The following CUEDC1 variants were observed in gnomAD, a reference collection of about 807,000 sequenced individuals.
CUEDC1 encodes the protein CUE domain-containing protein 1.
CUEDC1 carries 30 observed loss-of-function variants against 43.7 expected under a neutral mutation model. That is an observed-to-expected ratio of 0.69 (90% CI 0.51 to 0.93). The LOEUF is 0.93. Ranked by LOEUF, CUEDC1 falls within the 40% of genes least tolerant of loss-of-function variation. The probability of loss-of-function intolerance (pLI) is 0.00; values close to 1 mark genes in which losing one functional copy is unlikely to be tolerated. For missense variants in CUEDC1, 486 were observed against 549.0 expected, an observed-to-expected ratio of 0.89 and a Z score of 1.15; for synonymous variants, 223 against 223.6, an observed-to-expected ratio of 1.00 and a Z score of 0.02.
At position 57,912,206 on chromosome 17, in the gene CUEDC1, A is replaced by G. The variant is rs1598004454; in HGVS notation, c.-315-26327T>C. The G allele has an allele frequency of 2.6e-5, 4 of 152,308 alleles. No homozygotes were observed. The East Asian group carries it at 7.7e-4, about 29-fold the overall frequency. 9.4% of individuals were successfully genotyped at this position (152,308 alleles called of 1,614,324 possible). The stretch of plus-strand genomic sequence containing the variant: ...TGCTGGTGCCTGCCAACAAGCACAC[A>G]CAGTTGCAGTCACACCCTCGTGTAA... On this transcript the variant is annotated intron_variant, in intron 1 of 10. Transcript: ENST00000577830.
chr17:57,864,672 G>A (rs1375374838), intron 10 of CUEDC1, among the ~76,000 whole-genome samples: 1 of 152,150 alleles, frequency 6.6e-6, no homozygotes, highest in Admixed American at 6.5e-5. Context: ...GAAGACTCAA[G>A]GACCCTTGGT....
chr17:57,929,549 G>A (rs1348117101), intron 1 of CUEDC1, among the ~76,000 whole-genome samples: 1 of 152,220 alleles, frequency 6.6e-6, no homozygotes, highest in Non-Finnish European at 1.5e-5. Flanking sequence ...CATGTGATCT[G>A]TGGACTTCCC....
rs552980663 is a variant in CUEDC1 at position 57,934,228 on chromosome 17, C to G, written c.-316+20997G>C. On this transcript the variant is annotated intron_variant, in intron 1 of 10. Coordinates refer to ENST00000577830, the MANE Select transcript of CUEDC1 (RefSeq NM_001271875.2). Reference sequence around the variant, plus strand: ...CTAGTATGGTGAAAGCCCGTCTCTACTAAAAATACAAAAATTAGCCAGGCG... The same window carrying G: ...CTAGTATGGTGAAAGCCCGTCTCTAGTAAAAATACAAAAATTAGCCAGGCG... 3.9e-5 allele frequency among the ~76,000 whole-genome samples: 6 copies of G among 152,216 alleles called. No homozygotes were observed. In the East Asian group the frequency reaches 9.6e-4, roughly 24 times the overall value.
At chr17:57,912,969 A>G (rs2074600216) in intron 1 of CUEDC1, among the ~76,000 whole-genome samples, 1 of 152,054 alleles carries the variant, frequency 6.6e-6, no homozygotes, top group South Asian at 2.1e-4. Context: ...CTCAGCCTCC[A>G]GAGTAGCTAG....
At chr17:57,937,732 C>A (rs905048559) in intron 1 of CUEDC1, among the ~76,000 whole-genome samples, 12 of 152,008 alleles carry the variant, frequency 7.9e-5, no homozygotes, top group Non-Finnish European at 1.6e-4. Flanking sequence ...TAGCAAGACC[C>A]TATCTCTACA....
In CUEDC1 at chr17:57,885,629, C is replaced by A. The variant is rs2074280312; in HGVS notation, c.-65G>T. 7.5e-7 allele frequency: 1 copy of A among 1,333,544 alleles called. No homozygotes were observed. Among genetic ancestry groups the A allele is most frequent in the Middle Eastern group, 2.8e-4 (1 of 3,572 alleles). The allele number at this position is 1,333,544 out of a possible 1,614,324, so 82.6% of individuals were successfully genotyped here. A position where few individuals can be genotyped will look rare whatever the true frequency, so the allele number is the denominator to read the frequency against. ...CAAAGCCCCTTCCCCAGGGTCTTTCCGCCGTCAGCCGCTTACTTGCCCTGC... is the reference window on the plus strand; with the variant it reads ...CAAAGCCCCTTCCCCAGGGTCTTTCAGCCGTCAGCCGCTTACTTGCCCTGC... On this transcript the variant is annotated 5_prime_UTR_variant, in exon 2 of 11. Transcript: ENST00000577830.
In CUEDC1 at chr17:57,862,157, G is replaced by C. The variant is rs995863915; in HGVS notation, c.*1132C>G. Reference sequence around the variant, plus strand: ...TCCCGGCTCTCCGGAAGGTCTGCGCGCTCCCATGTCCAGGGCGGGGCCACG... The same window carrying C: ...TCCCGGCTCTCCGGAAGGTCTGCGCCCTCCCATGTCCAGGGCGGGGCCACG... On this transcript the variant is annotated 3_prime_UTR_variant, in exon 11 of 11. Transcript: ENST00000577830. 2.6e-5 allele frequency: 4 copies of C among 152,368 alleles called. No homozygotes were observed. Among genetic ancestry groups the C allele is most frequent in the Admixed American group, 6.5e-5 (1 of 15,286 alleles). The allele number at this position is 152,368 out of a possible 1,614,324, so 9.4% of individuals were successfully genotyped here.
At chr17:57,944,191 T>C (rs2074939812) in intron 1 of CUEDC1, among the ~76,000 whole-genome samples, 1 of 147,082 alleles carries the variant, frequency 6.8e-6, no homozygotes, top group Non-Finnish European at 1.5e-5. Context: ...TATTATTATT[T>C]ATTTTTTTAT....
rs896954346 is a variant in CUEDC1 at position 57,861,347 on chromosome 17, T to C, written c.*1942A>G. 6.6e-6 allele frequency: 1 copy of C among 152,092 alleles called. No individual in the cohort carries two copies. The highest frequency in any genetic ancestry group is 1.9e-4 in the East Asian group (1 of 5,182). 9.4% of individuals were successfully genotyped at this position (152,092 alleles called of 1,614,324 possible). ...TTCCCTTGCCTGATACAGCAAGCGG[T>C]TTACAGTCCTGGGCCAAACAGGAAG... On this transcript the variant is annotated 3_prime_UTR_variant, in exon 11 of 11. Coordinates refer to ENST00000577830, the MANE Select transcript of CUEDC1 (RefSeq NM_001271875.2).
intron 1 of CUEDC1, among the ~76,000 whole-genome samples, chr17:57,916,109 G>C (rs1311117123): frequency 6.6e-6 from 1 of 152,206 alleles, no homozygotes; most frequent in South Asian, 2.1e-4. Flanking sequence ...AAGGTTAAAG[G>C]CCTCACCCTC....
intron 1 of CUEDC1, among the ~76,000 whole-genome samples, chr17:57,928,546 CAA>C (rs11411589): frequency 9.2e-5 from 8 of 86,840 alleles, no homozygotes; most frequent in Non-Finnish European, 6.8e-5. Context: ...GACTCTGTCT[CAA>C]AAAAAAAAAA....
At chr17:57,894,445 CA>C (rs1325722316) in intron 1 of CUEDC1, among the ~76,000 whole-genome samples, 3 of 152,056 alleles carry the variant, frequency 2.0e-5, no homozygotes, top group Non-Finnish European at 4.4e-5. Context: ...CCGAGGCGGG[CA>C]GATCATCTGA....
In CUEDC1 at chr17:57,945,979, A is replaced by G. The variant is rs939138137; in HGVS notation, c.-316+9246T>C. On this transcript the variant is annotated intron_variant, in intron 1 of 10. Coordinates refer to ENST00000577830, the MANE Select transcript of CUEDC1 (RefSeq NM_001271875.2). ...GGGTGGAGGCTGTGGGTGACAGAGC[A>G]AGACTCCACCTCAAAAATAAAAAAT... is the stretch of plus-strand genomic sequence containing the variant. Among the ~76,000 whole-genome samples the G allele has an allele frequency of 5.3e-5, 8 of 152,168 alleles. No individual in the cohort carries two copies. In the South Asian group the frequency reaches 1.7e-3, roughly 32 times the overall value.
At chr17:57,895,802 G>A (rs951431579) in intron 1 of CUEDC1, among the ~76,000 whole-genome samples, 3 of 152,214 alleles carry the variant, frequency 2.0e-5, no homozygotes, top group Non-Finnish European at 4.4e-5. Flanking sequence ...CTGGAGGAAG[G>A]GGGCCACTGG....
chr17:57,948,754 C>T (rs1334342169), intron 1 of CUEDC1, among the ~76,000 whole-genome samples: 1 of 152,166 alleles, frequency 6.6e-6, no homozygotes, highest in African/African-American at 2.4e-5. Flanking sequence ...CATCTCACAT[C>T]CTATCTGGAA....
chr17:57,882,805 C>T (rs892579971), intron 2 of CUEDC1, among the ~76,000 whole-genome samples: 6 of 152,122 alleles, frequency 3.9e-5, no homozygotes, highest in African/African-American at 1.4e-4. Context: ...TTGTCTCTAG[C>T]TTACTTTATT....
chr17:57,879,553 C>A (rs886560183), intron 3 of CUEDC1, 58 bp downstream of exon 3: 1 of 1,521,928 alleles, frequency 6.6e-7, no homozygotes, highest in Admixed American at 2.4e-5. Flanking sequence ...TGTACACAGC[C>A]CCAGCCACTG....
At chr17:57,914,605 A>G (rs1351641993) in intron 1 of CUEDC1, among the ~76,000 whole-genome samples, 1 of 152,168 alleles carries the variant, frequency 6.6e-6, no homozygotes, top group Non-Finnish European at 1.5e-5. Flanking sequence ...TCGATTTAGA[A>G]AAGGGACAGG....
intron 1 of CUEDC1, among the ~76,000 whole-genome samples, chr17:57,907,644 G>A (rs929798936): frequency 5.3e-5 from 8 of 152,020 alleles, no homozygotes; most frequent in Admixed American, 2.6e-4. Context: ...TCAGGAGTTC[G>A]ATACCAGCTT....
Sources: allele counts gnomAD v4.1 joint callset (sites outside exome capture counted in the v4.1 genomes callset), GRCh38; gene constraint gnomAD v4.1.1; transcripts MANE v1.5; gene names NCBI Gene and HGNC (gene_info 2026-07-23, HGNC 2026-07-21).